The following CNTN3 variants were observed in gnomAD, a reference collection of about 807,000 sequenced individuals.
The protein encoded by CNTN3 is contactin-3.
CNTN3 carries 60 observed loss-of-function variants against 119.1 expected under a neutral mutation model. That is an observed-to-expected ratio of 0.50 (90% CI 0.41 to 0.62). The LOEUF (loss-of-function observed/expected upper bound fraction) is 0.62. Among genes scored for constraint, CNTN3 ranks in the 20% least tolerant of loss-of-function variants. CNTN3 has a pLI of 0.00. For synonymous variants in CNTN3, 450 were observed against 438.7 expected (o/e 1.03, Z -0.32); for missense variants, 1,101 against 1,242.4 (o/e 0.89, Z 1.71).
intron 11 of CNTN3, among the ~76,000 whole-genome samples, chr3:74,351,615 C>T (rs1309954786): frequency 2.0e-5 from 3 of 152,174 alleles, no homozygotes; most frequent in East Asian, 1.9e-4. Context: ...TAATGTGCAT[C>T]GCAATTCCTA....
intron 5 of CNTN3, among the ~76,000 whole-genome samples, chr3:74,413,445 G>T (rs566492021): frequency 6.6e-6 from 1 of 152,214 alleles, no homozygotes; most frequent in East Asian, 1.9e-4. Flanking sequence ...ATTTAACTTA[G>T]CCACGGTTAG....
chr3:74,551,658 T>C (rs565298490), intron 1 of CNTN3, among the ~76,000 whole-genome samples: 28 of 151,792 alleles, frequency 1.8e-4, no homozygotes, highest in African/African-American at 6.5e-4. Context: ...TTGGCAACTA[T>C]TAATCTTTTT....
At chr3:74,594,273 C>CTTTTTTTTTTTTTTTT (rs59436860) in intron 1 of CNTN3, among the ~76,000 whole-genome samples, 12 of 112,030 alleles carry the variant, frequency 1.1e-4, no homozygotes, top group East Asian at 2.6e-4. Flanking sequence ...TTCTTTTTTT[C>CTTTTTTTTTTTTTTTT]TTTTTTTTTT....
chr3:74,338,380 GCATATGTGTATGTGTGTATATATATA>G (rs1216144359), intron 11 of CNTN3, among the ~76,000 whole-genome samples: 1 of 151,788 alleles, frequency 6.6e-6, no homozygotes, highest in African/African-American at 2.4e-5. Flanking sequence ...ATTTATATAT[GCATATGTGTATGTGTGTATATATATA>G]CATATGTGTA....
intron 13 of CNTN3, among the ~76,000 whole-genome samples, chr3:74,327,741 T>A (rs1366230331): frequency 2.0e-5 from 3 of 152,074 alleles, no homozygotes; most frequent in Admixed American, 1.3e-4. Flanking sequence ...GTTTTCATAA[T>A]AATGAATCTA....
intron 13 of CNTN3, among the ~76,000 whole-genome samples, chr3:74,321,922 C>G (rs1383996149): frequency 1.3e-5 from 2 of 151,930 alleles, no homozygotes; most frequent in Admixed American, 1.3e-4. Context: ...ACAGAAAGCA[C>G]CAGGTCCAGA....
rs148477594 is a variant in CNTN3, at chr3:74,430,023, T to C, written c.359-5083A>G. On this transcript the variant is annotated intron_variant, in intron 4 of 22. Transcript: ENST00000263665. ...GAGAGGATGTAAGGAGGCTGGATGA[T>C]TCAGACATTGTCTTCTTAAGTGTAA... 2.7e-3 allele frequency among the ~76,000 whole-genome samples: 404 copies of C among 152,324 alleles called. 3 individuals are homozygous for C. Among genetic ancestry groups the C allele is most frequent in the African/African-American group, 9.4e-3 (391 of 41,580 alleles).
At chr3:74,552,462 GT>G (rs1704006029) in intron 1 of CNTN3, among the ~76,000 whole-genome samples, 1 of 152,168 alleles carries the variant, frequency 6.6e-6, no homozygotes, top group Admixed American at 6.5e-5. Context: ...ACCAGCATCT[GT>G]GTGACCTGTG....
chr3:74,516,569 A>G (rs1703454252), intron 2 of CNTN3, among the ~76,000 whole-genome samples: 1 of 150,902 alleles, frequency 6.6e-6, no homozygotes, highest in Non-Finnish European at 1.5e-5. Flanking sequence ...CTTCTGGTCA[A>G]CAGTAGGCTC....
chr3:74,413,535 T>A (rs1007610836), intron 5 of CNTN3, among the ~76,000 whole-genome samples: 1 of 152,208 alleles, frequency 6.6e-6, no homozygotes, highest in African/African-American at 2.4e-5. Context: ...AAAAAAGAAC[T>A]GCATTTTCTA....
chr3:74,425,808 A>G (rs1701686547), intron 4 of CNTN3, among the ~76,000 whole-genome samples: 1 of 152,092 alleles, frequency 6.6e-6, no homozygotes, highest in Middle Eastern at 3.2e-3. Flanking sequence ...GTTTCTGAGT[A>G]TAAGTCCTAT....
intron 5 of CNTN3, among the ~76,000 whole-genome samples, chr3:74,422,934 T>C (rs1357584333): frequency 6.6e-6 from 1 of 152,032 alleles, no homozygotes; most frequent in Non-Finnish European, 1.5e-5. Flanking sequence ...GCTTCAGGGC[T>C]CCCATAAAAA....
In CNTN3 at chr3:74,262,954, TTAAATGTAATCTC is replaced by T. The variant is rs1261812728; in HGVS notation, c.*1434_*1446del. The T allele has an allele frequency of 1.4e-4, 21 of 152,254 alleles. 1 individual carries two copies. The highest frequency in any genetic ancestry group is 8.5e-4 in the Admixed American group (13 of 15,286). The allele number at this position is 152,254 out of a possible 1,614,324, so 9.4% of individuals were successfully genotyped here. A position where few individuals can be genotyped will look rare whatever the true frequency, so the allele number is the denominator to read the frequency against. On this transcript the variant is annotated 3_prime_UTR_variant, in exon 23 of 23. Coordinates refer to ENST00000263665, the MANE Select transcript of CNTN3 (RefSeq NM_020872.3). The stretch of plus-strand genomic sequence containing the variant: ...TGTTTTTGTGTATGATGACTTTATC[TTAAATGTAATCTC>T]TAAATGTAAAATAGTGCTTTATGGT...
At chr3:74,508,392 G>C (rs1390647972) in intron 2 of CNTN3, among the ~76,000 whole-genome samples, 1 of 152,104 alleles carries the variant, frequency 6.6e-6, no homozygotes. Context: ...TATGAAAATG[G>C]ACTATTACAA....
At chr3:74,273,896 G>A (rs1701830027) in intron 20 of CNTN3, among the ~76,000 whole-genome samples, 1 of 152,114 alleles carries the variant, frequency 6.6e-6, no homozygotes, top group Non-Finnish European at 1.5e-5. Flanking sequence ...CCAGCTGGGA[G>A]GTGGGTAGCC....
At chr3:74,504,675 G>T (rs1703221986) in intron 2 of CNTN3, among the ~76,000 whole-genome samples, 1 of 152,150 alleles carries the variant, frequency 6.6e-6, no homozygotes, top group African/African-American at 2.4e-5. Context: ...GGCAGATGCT[G>T]CTGGTAGTCC....
chr3:74,340,716 T>G (rs878971986), intron 11 of CNTN3, among the ~76,000 whole-genome samples: 1 of 152,164 alleles, frequency 6.6e-6, no homozygotes, highest in Admixed American at 6.5e-5. Context: ...CCCTAAATTA[T>G]AGGTTAGAGA....
At chr3:74,524,678 T>A (rs1297272217) in intron 1 of CNTN3, among the ~76,000 whole-genome samples, 7 of 151,840 alleles carry the variant, frequency 4.6e-5, no homozygotes, top group African/African-American at 1.7e-4. Flanking sequence ...CATCAACTAC[T>A]ACTTATCTCC....
intron 4 of CNTN3, among the ~76,000 whole-genome samples, chr3:74,475,487 C>T (rs575367446): frequency 2.6e-5 from 4 of 152,218 alleles, no homozygotes; most frequent in Non-Finnish European, 4.4e-5. Context: ...TAGGGAATTG[C>T]CATTTAGAAA....
Sources: allele counts gnomAD v4.1 joint callset (sites outside exome capture counted in the v4.1 genomes callset), GRCh38; gene constraint gnomAD v4.1.1; transcripts MANE v1.5; gene names NCBI Gene and HGNC (gene_info 2026-07-23, HGNC 2026-07-21).